Variants in DLGAP2 observed in about 807,000 individuals in gnomAD.
The protein encoded by DLGAP2 is DLG associated protein 2.
A neutral mutation model predicts 100.3 loss-of-function variants in DLGAP2; 26 were observed. The ratio of observed to expected loss-of-function variants is 0.26; its 90% CI spans 0.19 to 0.36. DLGAP2 has a LOEUF of 0.36. Ranked by LOEUF, DLGAP2 falls within the 10% of genes least tolerant of loss-of-function variation. DLGAP2 has a pLI of 1.00. For missense variants in DLGAP2, 1,858 were observed against 1,453.2 expected, an observed-to-expected ratio of 1.28 and a Z score of -4.53; for synonymous variants, 886 against 630.1, an observed-to-expected ratio of 1.41 and a Z score of -6.08.
intron 6 of DLGAP2, among the ~76,000 whole-genome samples, chr8:1,579,638 C>G (rs890446173): frequency 6.6e-6 from 1 of 152,052 alleles, no homozygotes; most frequent in African/African-American, 2.4e-5. Flanking sequence ...AAAGGCCAAG[C>G]AAAGACTATT....
chr8:935,184 C>T (rs529687816), intron 2 of DLGAP2, among the ~76,000 whole-genome samples: 2 of 152,292 alleles, frequency 1.3e-5, no homozygotes, highest in African/African-American at 4.8e-5. Context: ...CTTCTCTGAG[C>T]GACTCCACCA....
chr8:1,681,947 C>G (rs12114526), intron 12 of DLGAP2, among the ~76,000 whole-genome samples: 1 of 136,950 alleles, frequency 7.3e-6, no homozygotes, highest in Non-Finnish European at 1.5e-5. Flanking sequence ...GCTCTGCCTT[C>G]CCAGCAGTGA....
At position 897,357 on chromosome 8, in the gene DLGAP2, G is replaced by T. The variant is rs143852441; in HGVS notation, c.19-10555G>T. Among the ~76,000 whole-genome samples the T allele has an allele frequency of 5.6e-3, 853 of 152,298 alleles. 2 individuals carry two copies. The highest frequency in any genetic ancestry group is 0.017 in the Middle Eastern group (5 of 294). On this transcript the variant is annotated intron_variant, in intron 1 of 14. Coordinates refer to ENST00000637795, the MANE Select transcript of DLGAP2 (RefSeq NM_001346810.2). ...AGGTGAACACCACGATTGTGCCGAT[G>T]TATCTGCATTGTAACTGGAAAGCTT...
intron 3 of DLGAP2, among the ~76,000 whole-genome samples, chr8:1,465,909 G>T (rs1056095690): frequency 6.6e-6 from 1 of 152,194 alleles, no homozygotes; most frequent in Non-Finnish European, 1.5e-5. Flanking sequence ...CCAACGCCAT[G>T]ACAGAAAGGC....
intron 1 of DLGAP2, among the ~76,000 whole-genome samples, chr8:801,964 ACGGTCTGCACCCCTCC>A (rs1796163470): frequency 2.6e-5 from 4 of 151,118 alleles, no homozygotes; most frequent in Non-Finnish European, 5.9e-5. Context: ...GGCCTGGGGA[ACGGTCTGCACCCCTCC>A]TGGGTCCTCT....
Position 1,548,664 on chromosome 8 carries a change from G to A in DLGAP2, c.211G>A (p.Glu71Lys), listed in dbSNP as rs1400415565. The A allele has an allele frequency of 3.8e-6, 6 of 1,586,978 alleles. No homozygotes were observed. Among genetic ancestry groups the A allele is most frequent in the Non-Finnish European group, 4.3e-6 (5 of 1,168,568 alleles). The change falls in exon 5 of 15, where the codon GAG becomes AAG. Residue 71 changes from glutamate (E) to lysine (K), a missense_variant. By Grantham distance (56) the Glu-to-Lys change is moderately conservative (BLOSUM62 1). Coordinates refer to ENST00000637795, the MANE Select transcript of DLGAP2 (RefSeq NM_001346810.2). ...ATGGTCGCCCACGCAGCACTTCAATGAGGAGCGCTACTCGCCCGCGCCCAG... is the reference window on the plus strand; with the variant it reads ...ATGGTCGCCCACGCAGCACTTCAATAAGGAGCGCTACTCGCCCGCGCCCAG... ...YSWSPTQHFN[E>K]ERYSPAPRSM...
intron 3 of DLGAP2, among the ~76,000 whole-genome samples, chr8:1,322,550 T>C (rs1800928855): frequency 6.6e-6 from 1 of 152,234 alleles, no homozygotes; most frequent in African/African-American, 2.4e-5. Flanking sequence ...GCGTGCTGCA[T>C]CCTGCTTCTG....
chr8:1,553,335 G>T (rs891051061), intron 5 of DLGAP2, among the ~76,000 whole-genome samples: 4 of 152,154 alleles, frequency 2.6e-5, no homozygotes, highest in South Asian at 2.1e-4. Flanking sequence ...AAGAGGTTCG[G>T]ACCCTACTCT....
At chr8:1,475,702 G>A (rs912925339) in intron 3 of DLGAP2, among the ~76,000 whole-genome samples, 6 of 152,176 alleles carry the variant, frequency 3.9e-5, no homozygotes, top group Admixed American at 2.6e-4. Context: ...CGTGGTCCAC[G>A]GCAGAACACG....
chr8:1,434,010 C>T (rs1033997155), intron 3 of DLGAP2, among the ~76,000 whole-genome samples: 1 of 152,140 alleles, frequency 6.6e-6, no homozygotes, highest in African/African-American at 2.4e-5. Context: ...GGGCATCTCA[C>T]TAAGCCTCTC....
chr8:1,444,771 CTTTT>C (rs914045708), intron 3 of DLGAP2, among the ~76,000 whole-genome samples: 2 of 79,850 alleles, frequency 2.5e-5, no homozygotes, highest in East Asian at 7.8e-4. Flanking sequence ...CCAGGTCATT[CTTTT>C]TTTTTTTTTT....
chr8:1,187,374 C>T lies in DLGAP2; in HGVS notation c.74-71477C>T, dbSNP rs1396863292. 3.0e-4 allele frequency among the ~76,000 whole-genome samples: 44 copies of T among 145,320 alleles called. 1 individual carries two copies. The highest frequency in any genetic ancestry group is 2.6e-3 in the Admixed American group (39 of 14,756). On this transcript the variant is annotated intron_variant, in intron 2 of 14. Coordinates refer to ENST00000637795, the MANE Select transcript of DLGAP2 (RefSeq NM_001346810.2). The stretch of plus-strand genomic sequence containing the variant: ...TTTCCCTCACGGAATCTCACACGCC[C>T]GGGACCTCCGTGACGTTTCCCTCAC...
intron 3 of DLGAP2, among the ~76,000 whole-genome samples, chr8:1,328,947 C>G (rs377345191): frequency 1.3e-5 from 2 of 152,360 alleles, no homozygotes; most frequent in East Asian, 3.9e-4. Flanking sequence ...AGCACTAACA[C>G]TCTGAGTAGC....
At chr8:1,383,036 G>A (rs7386843) in intron 3 of DLGAP2, among the ~76,000 whole-genome samples, 29,268 of 152,098 alleles carry the variant, frequency 0.19, 3,077 homozygotes, top group East Asian at 0.29. Flanking sequence ...TTTGTGGAAC[G>A]CAAATCGAAG....
chr8:864,043 C>T (rs952300881), intron 1 of DLGAP2, among the ~76,000 whole-genome samples: 5 of 152,308 alleles, frequency 3.3e-5, no homozygotes, highest in African/African-American at 7.2e-5. Context: ...CTGTCATTTG[C>T]GGCAACGTGG....
intron 2 of DLGAP2, among the ~76,000 whole-genome samples, chr8:1,118,821 T>G (rs1472586021): frequency 6.6e-6 from 1 of 152,236 alleles, no homozygotes; most frequent in Non-Finnish European, 1.5e-5. Flanking sequence ...CTGTACTTCC[T>G]GGAATGATAC....
intron 3 of DLGAP2, among the ~76,000 whole-genome samples, chr8:1,464,267 CGGCACCCTTCCAG>C (rs1798549254): frequency 1.9e-5 from 2 of 103,436 alleles, no homozygotes; most frequent in Admixed American, 9.7e-5. Flanking sequence ...CCTTCCAGGA[CGGCACCCTTCCAG>C]GACAACGCCC....
intron 2 of DLGAP2, among the ~76,000 whole-genome samples, chr8:1,255,105 T>C (rs61722423): frequency 3.9e-3 from 473 of 122,646 alleles, no homozygotes; most frequent in African/African-American, 6.5e-3. Flanking sequence ...CCTGCCTGGG[T>C]GCTGTGTGTG....
intron 2 of DLGAP2, among the ~76,000 whole-genome samples, chr8:1,254,889 G>C (rs995080717): frequency 6.6e-6 from 1 of 151,412 alleles, no homozygotes; most frequent in Non-Finnish European, 1.5e-5. Flanking sequence ...TCCTGCCCGC[G>C]TGCTGTGTCT....
Sources: allele counts gnomAD v4.1 joint callset (sites outside exome capture counted in the v4.1 genomes callset), GRCh38; gene constraint gnomAD v4.1.1; transcripts MANE v1.5; gene names NCBI Gene and HGNC (gene_info 2026-07-23, HGNC 2026-07-21).